Variants in PTPRG observed in about 807,000 individuals in gnomAD.
PTPRG encodes protein tyrosine phosphatase receptor type G.
In PTPRG, 102 loss-of-function variants were observed where a neutral mutation model predicts 165.3. The observed-to-expected ratio is 0.62, with a 90% CI of 0.53 to 0.73. The LOEUF (loss-of-function observed/expected upper bound fraction) is 0.73. Among genes scored for constraint, PTPRG ranks in the 30% least tolerant of loss-of-function variants. The probability of loss-of-function intolerance (pLI) is 0.00; values close to 1 mark genes in which losing one functional copy is unlikely to be tolerated. For synonymous variants in PTPRG, 675 were observed against 669.5 expected, an observed-to-expected ratio of 1.01 and a Z score of -0.13; for missense variants, 1,866 against 1,861.4, an observed-to-expected ratio of 1.00 and a Z score of -0.05.
At chr3:61,885,385 A>C (rs1279231897) in intron 2 of PTPRG, among the ~76,000 whole-genome samples, 1 of 151,142 alleles carries the variant, frequency 6.6e-6, no homozygotes, top group East Asian at 2.0e-4. Context: ...TCTGCCCCCA[A>C]GAGCTAGCCA....
chr3:61,673,999 T>C (rs4491896), intron 1 of PTPRG, among the ~76,000 whole-genome samples: 1 of 150,020 alleles, frequency 6.7e-6, no homozygotes, highest in East Asian at 2.0e-4. Flanking sequence ...CATGGACACA[T>C]GGAGGGGAAC....
At chr3:62,137,568 C>T (rs532079757) in intron 6 of PTPRG, among the ~76,000 whole-genome samples, 2 of 152,062 alleles carry the variant, frequency 1.3e-5, no homozygotes, top group African/African-American at 2.4e-5. Context: ...TGGATGTCAT[C>T]GATTTCCTGA....
In PTPRG at chr3:61,708,747, G is replaced by A. The variant is rs553858836; in HGVS notation, c.86-40131G>A. On this transcript the variant is annotated intron_variant, in intron 1 of 29. Coordinates refer to ENST00000474889, the MANE Select transcript of PTPRG (RefSeq NM_002841.4). ...GCTGGAATTACAGGCATGAGCCACCGCGCCTGGCTTTCTGCAAATCTTAAA... is the reference window on the plus strand; with the variant it reads ...GCTGGAATTACAGGCATGAGCCACCACGCCTGGCTTTCTGCAAATCTTAAA... 5.3e-5 allele frequency among the ~76,000 whole-genome samples: 8 copies of A among 152,164 alleles called. No individual in the cohort carries two copies. The South Asian group carries it at 8.3e-4, about 16-fold the overall frequency.
At chr3:61,827,181 T>G (rs946896674) in intron 2 of PTPRG, among the ~76,000 whole-genome samples, 9 of 152,192 alleles carry the variant, frequency 5.9e-5, no homozygotes, top group African/African-American at 2.2e-4. Context: ...GTAAGGGAGA[T>G]GTTGGGCCTA....
At chr3:61,582,420 C>A (rs1241929455) in intron 1 of PTPRG, among the ~76,000 whole-genome samples, 6 of 152,130 alleles carry the variant, frequency 3.9e-5, no homozygotes. Context: ...TCTTTTTCGT[C>A]CTGGCACAAC....
chr3:61,755,495 C>T (rs1295316251), intron 2 of PTPRG, among the ~76,000 whole-genome samples: 1 of 152,192 alleles, frequency 6.6e-6, no homozygotes, highest in Non-Finnish European at 1.5e-5. Flanking sequence ...CTACATATCC[C>T]TATTAATCTT....
In PTPRG at chr3:61,871,341, C is replaced by T. The variant is rs114260152; in HGVS notation, c.191-118284C>T. ...CTCCTGGGCTCAGGTGTTCATTCTGCCTCAGCCTCCCAAGTAGATGGGACC... is the reference window on the plus strand; with the variant it reads ...CTCCTGGGCTCAGGTGTTCATTCTGTCTCAGCCTCCCAAGTAGATGGGACC... On this transcript the variant is annotated intron_variant, in intron 2 of 29. Coordinates refer to ENST00000474889, the MANE Select transcript of PTPRG (RefSeq NM_002841.4). 1.5e-3 allele frequency among the ~76,000 whole-genome samples: 223 copies of T among 152,160 alleles called. 2 individuals are homozygous for T. The highest frequency in any genetic ancestry group is 4.9e-3 in the African/African-American group (205 of 41,488).
intron 2 of PTPRG, among the ~76,000 whole-genome samples, chr3:61,789,457 C>T (rs1252294733): frequency 6.6e-6 from 1 of 152,100 alleles, no homozygotes; most frequent in African/African-American, 2.4e-5. Context: ...CTTGCCCTTA[C>T]AGAAATTCAT....
chr3:61,799,414 A>G (rs372503738), intron 2 of PTPRG, among the ~76,000 whole-genome samples: 79 of 152,276 alleles, frequency 5.2e-4, no homozygotes, highest in African/African-American at 1.8e-3. Flanking sequence ...TTCTGTTCCA[A>G]GATCCCATAC....
chr3:62,016,521 C>T (rs2041548476), intron 4 of PTPRG, among the ~76,000 whole-genome samples: 1 of 152,104 alleles, frequency 6.6e-6, no homozygotes. Flanking sequence ...AGCAACAGAT[C>T]CCCAATCCAT....
At chr3:62,067,367 C>T (rs1701052282) in intron 4 of PTPRG, among the ~76,000 whole-genome samples, 1 of 151,846 alleles carries the variant, frequency 6.6e-6, no homozygotes, top group African/African-American at 2.4e-5. Context: ...CACCCCTGGC[C>T]TCTACCTGCT....
intron 2 of PTPRG, among the ~76,000 whole-genome samples, chr3:61,854,058 A>AG (rs2037036883): frequency 6.6e-6 from 1 of 152,218 alleles, no homozygotes; most frequent in Non-Finnish European, 1.5e-5. Flanking sequence ...CAAAAGAGAA[A>AG]GGCCTGTTTG....
chr3:61,710,338 G>T (rs1042241181), intron 1 of PTPRG, among the ~76,000 whole-genome samples: 1 of 152,102 alleles, frequency 6.6e-6, no homozygotes, highest in Non-Finnish European at 1.5e-5. Flanking sequence ...TTCACTATGT[G>T]CCAGGCTTTG....
intron 16 of PTPRG, among the ~76,000 whole-genome samples, chr3:62,258,855 A>G (rs1485489971): frequency 1.3e-5 from 2 of 152,180 alleles, no homozygotes; most frequent in African/African-American, 4.8e-5. Flanking sequence ...GAGTAGTATT[A>G]AAAGATTGAC....
At chr3:61,614,426 T>TTTG (rs1177013205) in intron 1 of PTPRG, among the ~76,000 whole-genome samples, 1 of 148,206 alleles carries the variant, frequency 6.7e-6, no homozygotes, top group African/African-American at 2.5e-5. Context: ...ACCTTTTTTT[T>TTTG]TTTTTTTTTG....
intron 14 of PTPRG, among the ~76,000 whole-genome samples, chr3:62,234,096 A>C (rs993688012): frequency 6.6e-6 from 1 of 152,204 alleles, no homozygotes; most frequent in Non-Finnish European, 1.5e-5. Context: ...ACAATGGAAT[A>C]CAGCATATGC....
At chr3:61,690,645 C>G (rs1016127125) in intron 1 of PTPRG, among the ~76,000 whole-genome samples, 2 of 152,194 alleles carry the variant, frequency 1.3e-5, no homozygotes, top group Non-Finnish European at 2.9e-5. Context: ...CATCACACAT[C>G]AAGGCCAGGA....
chr3:61,797,407 C>T (rs1365821641), intron 2 of PTPRG, among the ~76,000 whole-genome samples: 1 of 152,064 alleles, frequency 6.6e-6, no homozygotes, highest in Non-Finnish European at 1.5e-5. Flanking sequence ...ATGGGAGCCG[C>T]ATTGGTCTTA....
intron 4 of PTPRG, among the ~76,000 whole-genome samples, chr3:62,073,666 AGACAGGG>A (rs1701283850): frequency 3.3e-5 from 5 of 152,104 alleles, no homozygotes; most frequent in Non-Finnish European, 7.3e-5. Context: ...ATTTTTGTAG[AGACAGGG>A]TTTCACCATG....
Sources: allele counts gnomAD v4.1 joint callset (sites outside exome capture counted in the v4.1 genomes callset), GRCh38; gene constraint gnomAD v4.1.1; transcripts MANE v1.5; gene names NCBI Gene and HGNC (gene_info 2026-07-23, HGNC 2026-07-21).